Variants in INTS9 observed in about 807,000 individuals in gnomAD.
INTS9 encodes integrator complex subunit 9, also known as protein related to CPSF subunits of 74 kDa.
Under a neutral mutation model 79.7 loss-of-function variants are expected in INTS9, and 55 were observed. The ratio of observed to expected loss-of-function variants is 0.69; its 90% confidence interval spans 0.56 to 0.86. INTS9 has a LOEUF of 0.86. Ranked by LOEUF, INTS9 falls within the 40% of genes least tolerant of loss-of-function variation. INTS9 has a pLI of 0.00. For synonymous variants in INTS9, 319 were observed against 325.2 expected (o/e 0.98, Z 0.20); for missense variants, 721 against 831.5 (o/e 0.87, Z 1.64).
intron 1 of INTS9, among the ~76,000 whole-genome samples, chr8:28,881,313 C>T (rs1430989102): frequency 3.5e-5 from 5 of 144,626 alleles, no homozygotes; most frequent in Non-Finnish European, 4.6e-5. Flanking sequence ...GGGGATCAGC[C>T]CCCCGCCTGG....
intron 1 of INTS9, among the ~76,000 whole-genome samples, chr8:28,883,829 A>C (rs539529670): frequency 1.3e-5 from 2 of 152,302 alleles, no homozygotes; most frequent in African/African-American, 4.8e-5. Context: ...TGAATGATGG[A>C]GACCTGAGGG....
chr8:28,837,608 C>A, intron 5 of INTS9, 29 bp downstream of exon 5: 1 of 1,607,508 alleles, frequency 6.2e-7, no homozygotes, highest in Non-Finnish European at 8.5e-7. Context: ...GCAGTCACAT[C>A]CTAGCAGGGT....
intron 16 of INTS9, 37 bp downstream of exon 16, chr8:28,769,852 G>A (rs377641402): frequency 7.1e-5 from 114 of 1,610,074 alleles, no homozygotes; most frequent in Non-Finnish European, 8.6e-5. Flanking sequence ...AGGCTGCCAC[G>A]TGTGGAGTTT....
At chr8:28,778,888 C>G (rs938841713) in intron 12 of INTS9, among the ~76,000 whole-genome samples, 2 of 152,158 alleles carry the variant, frequency 1.3e-5, no homozygotes, top group Non-Finnish European at 2.9e-5. Flanking sequence ...ATACTGACCC[C>G]CTTTTCATGT....
chr8:28,815,996 CA>C (rs1805448677), intron 6 of INTS9, among the ~76,000 whole-genome samples: 1 of 151,236 alleles, frequency 6.6e-6, no homozygotes, highest in African/African-American at 2.4e-5. Flanking sequence ...AAGTGACTTA[CA>C]AGGAAAGAAA....
At chr8:28,848,878 G>A (rs1324695357) in intron 3 of INTS9, among the ~76,000 whole-genome samples, 3 of 152,120 alleles carry the variant, frequency 2.0e-5, no homozygotes, top group Admixed American at 6.5e-5. Flanking sequence ...CTCACAATGC[G>A]CTGGTAATGG....
intron 4 of INTS9, among the ~76,000 whole-genome samples, chr8:28,840,972 AAAG>A (rs1807149489): frequency 6.9e-6 from 1 of 145,322 alleles, no homozygotes; most frequent in Non-Finnish European, 1.5e-5. Context: ...AAAAAAAAAG[AAAG>A]AAAGATGATG....
chr8:28,777,258 C>A (rs772665893), intron 13 of INTS9, among the ~76,000 whole-genome samples: 1 of 152,154 alleles, frequency 6.6e-6, no homozygotes, highest in Non-Finnish European at 1.5e-5. Flanking sequence ...GTTCCTCTCC[C>A]GACTCTCAAG....
At chr8:28,882,532 TA>T (rs369293166) in intron 1 of INTS9, among the ~76,000 whole-genome samples, 18,606 of 63,166 alleles carry the variant, frequency 0.29, 1,476 homozygotes, top group South Asian at 0.33. Flanking sequence ...TATTAACAGC[TA>T]AAAAAAAAAA....
In INTS9 at chr8:28,853,340, G is replaced by A. The variant is rs189425273; in HGVS notation, c.138-3067C>T. 2.6e-3 allele frequency among the ~76,000 whole-genome samples: 400 copies of A among 151,714 alleles called. 1 individual carries two copies. Among genetic ancestry groups the A allele is most frequent in the Non-Finnish European group, 4.9e-3 (332 of 67,944 alleles). On this transcript the variant is annotated intron_variant, in intron 2 of 16. Coordinates refer to ENST00000521022, the MANE Select transcript of INTS9 (RefSeq NM_018250.4). ...AGGCAAGAGAATCACTTGAACCTGG[G>A]AGGCAAGGGTTGCAGTGAGCCAAGA...
At chr8:28,827,915 G>C (rs1339153567) in intron 6 of INTS9, among the ~76,000 whole-genome samples, 1 of 152,154 alleles carries the variant, frequency 6.6e-6, no homozygotes, top group Non-Finnish European at 1.5e-5. Context: ...ACTTTAAAGT[G>C]ATTAATTGGG....
chr8:28,834,635 CT>C (rs1563284192), intron 6 of INTS9, among the ~76,000 whole-genome samples: 1 of 151,318 alleles, frequency 6.6e-6, no homozygotes, highest in Non-Finnish European at 1.5e-5. Flanking sequence ...AAGCAGAGTT[CT>C]TCAGTTTCTG....
intron 2 of INTS9, among the ~76,000 whole-genome samples, chr8:28,858,301 T>C (rs1808281419): frequency 6.6e-6 from 1 of 152,220 alleles, no homozygotes; most frequent in African/African-American, 2.4e-5. Flanking sequence ...CTAAGTTCCA[T>C]GAGGGAAAGT....
At chr8:28,790,624 G>T (rs568326287) in intron 10 of INTS9, among the ~76,000 whole-genome samples, 1 of 152,076 alleles carries the variant, frequency 6.6e-6, no homozygotes, top group South Asian at 2.1e-4. Context: ...CACCCTGATC[G>T]GCCTCTTCTA....
At chr8:28,881,513 T>C (rs1350784775) in intron 1 of INTS9, among the ~76,000 whole-genome samples, 1 of 82,858 alleles carries the variant, frequency 1.2e-5, no homozygotes, top group African/African-American at 4.6e-5. Flanking sequence ...AGCCGCCCCG[T>C]CCGGGAGGGA....
At chr8:28,839,983 C>CAGAGT (rs1807068599) in intron 4 of INTS9, among the ~76,000 whole-genome samples, 1 of 142,398 alleles carries the variant, frequency 7.0e-6, no homozygotes, top group Admixed American at 7.1e-5. Flanking sequence ...GCAAAAGAAA[C>CAGAGT]TACCATCAGA....
At chr8:28,804,207 T>C (rs1804677645) in intron 8 of INTS9, among the ~76,000 whole-genome samples, 1 of 152,212 alleles carries the variant, frequency 6.6e-6, no homozygotes, top group Non-Finnish European at 1.5e-5. Context: ...ATTACAGGCA[T>C]GAGCCAATAT....
chr8:28,851,586 C>T (rs111865998), intron 2 of INTS9, among the ~76,000 whole-genome samples: 25,161 of 151,456 alleles, frequency 0.17, 2,496 homozygotes, highest in East Asian at 0.46. Flanking sequence ...TACAGGTGCC[C>T]GCCACCACAC....
In INTS9 at chr8:28,889,887, G is replaced by A. The variant is rs1810533496; in HGVS notation, c.-5C>T. Reference sequence around the variant, plus strand: ...GCGAAGACTCACCAGTTTCATAATGGACTTTTGGTGGTTCAATAGCAGTCA... The same window carrying A: ...GCGAAGACTCACCAGTTTCATAATGAACTTTTGGTGGTTCAATAGCAGTCA... On this transcript the variant is annotated 5_prime_UTR_variant, in exon 1 of 17. Coordinates refer to ENST00000521022, the MANE Select transcript of INTS9 (RefSeq NM_018250.4). 4 of 1,613,522 alleles carry A rather than the reference G, an allele frequency of 2.5e-6. No homozygotes were observed. The highest frequency in any genetic ancestry group is 2.2e-5 in the East Asian group (1 of 44,866).
Sources: allele counts gnomAD v4.1 joint callset (sites outside exome capture counted in the v4.1 genomes callset), GRCh38; gene constraint gnomAD v4.1.1; transcripts MANE v1.5; gene names NCBI Gene and HGNC (gene_info 2026-07-23, HGNC 2026-07-21).